USP28: variants seen among roughly 807,000 people sequenced by gnomAD.
USP28 encodes ubiquitin carboxyl-terminal hydrolase 28.
A neutral mutation model predicts 145.0 loss-of-function variants in USP28; 113 were observed. The observed-to-expected ratio is 0.78, with a 90% CI of 0.67 to 0.91. USP28 has a LOEUF of 0.91. Among genes scored for constraint, USP28 ranks in the 40% least tolerant of loss-of-function variants. The pLI is 0.00. For synonymous variants in USP28, 447 were observed against 450.9 expected (o/e 0.99, Z 0.11); for missense variants, 1,201 against 1,289.6 (o/e 0.93, Z 1.05).
chr11:113,861,644 T>C (rs1362484163), intron 1 of USP28, among the ~76,000 whole-genome samples: 5 of 152,220 alleles, frequency 3.3e-5, no homozygotes, highest in Non-Finnish European at 5.9e-5. Flanking sequence ...AATCACCTTC[T>C]TCCCGACCTA....
intron 18 of USP28, 30 bp downstream of exon 18, chr11:113,808,268 C>G: frequency 6.2e-7 from 1 of 1,603,358 alleles, no homozygotes; most frequent in Non-Finnish European, 8.5e-7. Flanking sequence ...GCCCGGCTCT[C>G]CTGAACTTGG....
At chr11:113,827,450 C>A in intron 10 of USP28, 90 bp from the exon 11 acceptor site, 3 of 1,379,404 alleles carry the variant, frequency 2.2e-6, no homozygotes, top group Non-Finnish European at 2.9e-6. Flanking sequence ...ATTAAAGTTT[C>A]TTCCTTTGGT....
In USP28 at chr11:113,855,045, C is replaced by A. The variant is rs115688279; in HGVS notation, c.58-710G>T. ...ATTAGTGTGTATCATTTTTCACTGACAATAAGTTTCCAATCATGTAATTAA... is the reference window on the plus strand; with the variant it reads ...ATTAGTGTGTATCATTTTTCACTGAAAATAAGTTTCCAATCATGTAATTAA... On this transcript the variant is annotated intron_variant, in intron 1 of 24. Transcript: ENST00000003302. Among the ~76,000 whole-genome samples, 1,067 of 152,230 alleles carry A rather than the reference C, an allele frequency of 7.0e-3. 13 individuals are homozygous for A. The highest frequency in any genetic ancestry group is 0.024 in the African/African-American group (997 of 41,560).
At chr11:113,822,911 G>GC (rs1477615508) in intron 12 of USP28, among the ~76,000 whole-genome samples, 1 of 152,130 alleles carries the variant, frequency 6.6e-6, no homozygotes, top group Non-Finnish European at 1.5e-5. Flanking sequence ...GAAATTAATG[G>GC]CCTAATAAGG....
In USP28 at chr11:113,808,112, GCTT is replaced by G. The variant is rs547504767; in HGVS notation, c.2304+183_2304+185del. On this transcript the variant is annotated intron_variant, in intron 18 of 24. Transcript: ENST00000003302. ...GCAAGGTTTGTTTCCTGGGGCATGGGCTTCTTGGGTTCAGCTTCTTTAAGCTGT... is the reference window on the plus strand; with the variant it reads ...GCAAGGTTTGTTTCCTGGGGCATGGGCTTGGGTTCAGCTTCTTTAAGCTGT... 1.8e-4 allele frequency: 276 copies of G among 1,494,858 alleles called. 1 individual carries two copies. In the African/African-American group the frequency reaches 3.2e-3, roughly 18 times the overall value. 92.6% of individuals were successfully genotyped at this position (1,494,858 alleles called of 1,614,324 possible).
intron 5 of USP28, among the ~76,000 whole-genome samples, chr11:113,838,504 A>T (rs1025641606): frequency 2.0e-5 from 3 of 152,184 alleles, no homozygotes; most frequent in Admixed American, 2.0e-4. Flanking sequence ...ACTCCGTCTT[A>T]GCTATTTGCT....
intron 12 of USP28, among the ~76,000 whole-genome samples, chr11:113,823,026 A>G (rs1038669745): frequency 2.0e-5 from 3 of 152,232 alleles, no homozygotes; most frequent in African/African-American, 7.2e-5. Flanking sequence ...CGCAAAATCA[A>G]CGGGATCTAT....
At chr11:113,860,946 G>T (rs1006844595) in intron 1 of USP28, among the ~76,000 whole-genome samples, 4 of 150,964 alleles carry the variant, frequency 2.6e-5, no homozygotes, top group Non-Finnish European at 5.9e-5. Flanking sequence ...GTGAAACTCC[G>T]TCTCTACTAA....
chr11:113,875,521 G>A (rs892744040), exon 1 of USP28: 22 of 1,154,164 alleles, frequency 1.9e-5, no homozygotes, highest in African/African-American at 6.5e-5. Flanking sequence ...GCCCAGCCGC[G>A]GGTCACCGGT....
chr11:113,813,708 G>A (rs2135448180), intron 15 of USP28, 177 bp downstream of exon 15: 3 of 626,094 alleles, frequency 4.8e-6, no homozygotes, highest in East Asian at 5.8e-5. Flanking sequence ...TTGGTAAAAG[G>A]TATATTGCTT....
intron 22 of USP28, 66 bp from the exon 24 acceptor site, chr11:113,803,347 A>G: frequency 1.4e-6 from 2 of 1,475,954 alleles, no homozygotes; most frequent in Non-Finnish European, 1.8e-6. Flanking sequence ...CTTAGACCTC[A>G]CTTTTCCCCA....
At chr11:113,827,414 C>T in intron 10 of USP28, 54 bp from the exon 11 acceptor site, 3 of 1,512,916 alleles carry the variant, frequency 2.0e-6, no homozygotes, top group Non-Finnish European at 2.7e-6. Context: ...TAGGAAATTA[C>T]AATAACCAGA....
intron 12 of USP28, among the ~76,000 whole-genome samples, chr11:113,818,599 T>C (rs1180199394): frequency 6.6e-6 from 1 of 152,176 alleles, no homozygotes; most frequent in African/African-American, 2.4e-5. Flanking sequence ...TGACTCATGC[T>C]TGTAATCCCA....
At chr11:113,840,801 A>T in intron 4 of USP28, 44 bp from the exon 5 acceptor site, 1 of 1,587,440 alleles carries the variant, frequency 6.3e-7, no homozygotes, top group East Asian at 2.2e-5. Context: ...AAAATAGTTA[A>T]AGAATAATAT....
intron 22 of USP28, 28 bp from the exon 24 acceptor site, chr11:113,803,309 C>A: frequency 6.3e-7 from 1 of 1,584,718 alleles, no homozygotes. Flanking sequence ...TAAACAACAG[C>A]TGAGTGCTCT....
At chr11:113,846,873 TAATCC>T (rs1945916086) in intron 3 of USP28, among the ~76,000 whole-genome samples, 1 of 152,156 alleles carries the variant, frequency 6.6e-6, no homozygotes, top group African/African-American at 2.4e-5. Flanking sequence ...CGTGTGCCAG[TAATCC>T]CAGCTACTCG....
intron 12 of USP28, among the ~76,000 whole-genome samples, chr11:113,823,199 T>C (rs1161071398): frequency 1.3e-5 from 2 of 152,250 alleles, no homozygotes; most frequent in African/African-American, 2.4e-5. Context: ...AGCACTGCTC[T>C]AGGTAGAAAA....
intron 24 of USP28, among the ~76,000 whole-genome samples, chr11:113,799,769 G>A (rs868101251): frequency 7.6e-4 from 116 of 152,158 alleles, no homozygotes; most frequent in African/African-American, 2.6e-3. Flanking sequence ...TTAAATCAGG[G>A]GTGTACAGTC....
intron 12 of USP28, among the ~76,000 whole-genome samples, chr11:113,823,038 T>C (rs144688259): frequency 1.3e-5 from 2 of 152,304 alleles, no homozygotes; most frequent in African/African-American, 2.4e-5. Context: ...GGGATCTATC[T>C]AGACGAGAAA....
Sources: gnomAD v4.1 joint callset for allele counts (sites outside exome capture counted in the v4.1 genomes callset) on GRCh38, gnomAD v4.1.1 for gene constraint, MANE v1.5 for transcripts, NCBI Gene and HGNC (gene_info 2026-07-23, HGNC 2026-07-21) for gene names.